SNX31: variants seen among roughly 807,000 people sequenced by gnomAD.
SNX31 encodes sorting nexin 31.
Under a neutral mutation model 65.4 loss-of-function variants are expected in SNX31, and 58 were observed. That is an observed-to-expected ratio of 0.89 (90% CI 0.72 to 1.10). The LOEUF (loss-of-function observed/expected upper bound fraction) is 1.10, where lower values mean the gene tolerates loss of function less well. Ranked by LOEUF, SNX31 falls within the 50% of genes least tolerant of loss-of-function variation. The pLI is 0.00. For synonymous variants in SNX31, 181 were observed against 190.1 expected, an observed-to-expected ratio of 0.95 and a Z score of 0.39; for missense variants, 523 against 529.7, an observed-to-expected ratio of 0.99 and a Z score of 0.12.
rs907125006 is a variant in SNX31 at position 100,604,543 on chromosome 8, C to A, written c.681+3951G>T. 6.6e-6 allele frequency among the ~76,000 whole-genome samples: 1 copy of A among 152,214 alleles called. No homozygotes were observed. Among genetic ancestry groups the A allele is most frequent in the African/African-American group, 2.4e-5 (1 of 41,462 alleles). On this transcript the variant is annotated intron_variant, in intron 8 of 13. Transcript: ENST00000311812. The surrounding 1 kb of genome is among the most constrained non-coding windows in gnomAD (Gnocchi z 4.3). Reference sequence around the variant, plus strand: ...CCCCCTCCACTCACCAAGCCATGGGCCCCGATGCAGGACTAGCCCCACCTG... The same window carrying A: ...CCCCCTCCACTCACCAAGCCATGGGACCCGATGCAGGACTAGCCCCACCTG...
At position 100,630,342 on chromosome 8, in the gene SNX31, TAA is replaced by T. The variant is rs762663768; in HGVS notation, c.304_305del (p.Leu102LysfsTer9). On this transcript the variant is annotated frameshift_variant, in exon 4 of 14. Transcript: ENST00000311812. LOFTEE classifies it high-confidence loss of function. This position sits in a 1 kb window ranked among gnomAD's most constrained non-coding sequence, Gnocchi z 5.3. ...GCAAGCTTACCAGCTGCGCCAGTTT[TAA>T]AAACTCAACGAAGACATCACTTCTC... ...VLRSDVFVEF[L>X]KLAQLNTFDI... 42 of 1,613,440 alleles carry T rather than the reference TAA, an allele frequency of 2.6e-5. No homozygotes were observed. The East Asian group carries it at 8.9e-4, about 34-fold the overall frequency.
chr8:100,574,414 A>T (rs190875230), intron 13 of SNX31, among the ~76,000 whole-genome samples: 238 of 152,264 alleles, frequency 1.6e-3, no homozygotes, highest in Non-Finnish European at 1.7e-3. Flanking sequence ...CGGGCAGATC[A>T]CGAGTTCAGG....
At chr8:100,657,612 G>A (rs943609477) in intron 1 of SNX31, 2 of 453,710 alleles carry the variant, frequency 4.4e-6, no homozygotes, top group African/African-American at 4.0e-5. Context: ...GTGCTTGGAT[G>A]TGTGGGAAGG....
intron 9 of SNX31, among the ~76,000 whole-genome samples, chr8:100,599,395 C>T (rs1815402361): frequency 6.6e-6 from 1 of 151,162 alleles, no homozygotes; most frequent in Non-Finnish European, 1.5e-5. Context: ...TTCTATCCAT[C>T]AAAATAGAAG....
chr8:100,645,158 A>G (rs556055546), intron 2 of SNX31, among the ~76,000 whole-genome samples: 11 of 152,374 alleles, frequency 7.2e-5, no homozygotes, highest in Middle Eastern at 6.8e-3. Context: ...GGCATATAAC[A>G]GAAACTTAGT....
intron 5 of SNX31, among the ~76,000 whole-genome samples, chr8:100,616,324 A>G (rs1032303497): frequency 6.6e-6 from 1 of 152,136 alleles, no homozygotes; most frequent in African/African-American, 2.4e-5. Flanking sequence ...GAAGTCAATG[A>G]TGATGTCTTT....
chr8:100,574,645 A>G (rs925814492), intron 13 of SNX31, among the ~76,000 whole-genome samples: 1 of 151,312 alleles, frequency 6.6e-6, no homozygotes, highest in Non-Finnish European at 1.5e-5. Flanking sequence ...AAAAAAAAAA[A>G]AAGAAGAGGC....
upstream of SNX31, among the ~76,000 whole-genome samples, chr8:100,652,987 G>A (rs553609674): frequency 2.6e-5 from 4 of 152,218 alleles, no homozygotes; most frequent in Non-Finnish European, 5.9e-5. Context: ...GAGATTCCTG[G>A]TTGGTGGACA....
chr8:100,645,520 T>G (rs570061070), intron 2 of SNX31, among the ~76,000 whole-genome samples: 1 of 151,260 alleles, frequency 6.6e-6, no homozygotes, highest in Non-Finnish European at 1.5e-5. Flanking sequence ...TAAAAAAAAT[T>G]GTTTGTTGTT....
At position 100,630,135 on chromosome 8, in the gene SNX31, A is replaced by G. The variant is rs1401775272; in HGVS notation, c.321+192T>C. Among the ~76,000 whole-genome samples the G allele has an allele frequency of 6.6e-6, 1 of 152,222 alleles. No homozygotes were observed. Among genetic ancestry groups the G allele is most frequent in the African/African-American group, 2.4e-5 (1 of 41,458 alleles). On this transcript the variant is annotated intron_variant, in intron 4 of 13. Transcript: ENST00000311812. This position sits in a 1 kb window ranked among gnomAD's most constrained non-coding sequence, Gnocchi z 5.3. ...GGTCAAGTGACACACTTCATTTTCC[A>G]TCTAAAATCTAAACCTCCAAAAGAA...
chr8:100,613,670 G>A lies in SNX31; in HGVS notation c.433-585C>T, dbSNP rs1432155702. 2.6e-5 allele frequency among the ~76,000 whole-genome samples: 4 copies of A among 152,226 alleles called. No individual in the cohort carries two copies. The highest frequency in any genetic ancestry group is 9.6e-5 in the African/African-American group (4 of 41,458). On this transcript the variant is annotated intron_variant, in intron 5 of 13. Coordinates refer to ENST00000311812, the MANE Select transcript of SNX31 (RefSeq NM_152628.4). This position sits in a 1 kb window ranked among gnomAD's most constrained non-coding sequence, Gnocchi z 5.2. ...AAACCTCAGATGCCAGGCACAGGTT[G>A]CCTTCCTTCACATTCCTCTTTGACT...
At chr8:100,628,221 C>A (rs921610542) in intron 4 of SNX31, among the ~76,000 whole-genome samples, 1 of 152,050 alleles carries the variant, frequency 6.6e-6, no homozygotes, top group African/African-American at 2.4e-5. Context: ...ATCATTTGAC[C>A]CAGCCATCCC....
chr8:100,577,244 C>T (rs1303979156), intron 12 of SNX31, among the ~76,000 whole-genome samples, 169 bp from the exon 13 acceptor site: 1 of 152,226 alleles, frequency 6.6e-6, no homozygotes, highest in African/African-American at 2.4e-5. Context: ...TTTCACTTGT[C>T]AGGGTCTAAA....
At chr8:100,620,552 A>T (rs1397701062) in intron 4 of SNX31, among the ~76,000 whole-genome samples, 1 of 152,218 alleles carries the variant, frequency 6.6e-6, no homozygotes, top group Non-Finnish European at 1.5e-5. Context: ...CATTCAAAGG[A>T]TTAGTCCAAA....
At chr8:100,659,079 C>T (rs943155432) in intron 1 of SNX31, among the ~76,000 whole-genome samples, 1 of 152,074 alleles carries the variant, frequency 6.6e-6, no homozygotes, top group African/African-American at 2.4e-5. Context: ...GGCACAGGGG[C>T]TCATGCCTGT....
At chr8:100,617,452 G>T (rs976057713) in intron 5 of SNX31, among the ~76,000 whole-genome samples, 168 bp downstream of exon 5, 1 of 152,184 alleles carries the variant, frequency 6.6e-6, no homozygotes, top group South Asian at 2.1e-4. Context: ...TGTATCTTAG[G>T]TTCCTTGGTT....
chr8:100,598,303 C>A (rs372875777), intron 9 of SNX31, among the ~76,000 whole-genome samples: 2 of 152,104 alleles, frequency 1.3e-5, no homozygotes, highest in Non-Finnish European at 2.9e-5. Context: ...ATGGTACTTG[C>A]GCAGTGATTG....
chr8:100,632,125 T>G (rs1039543679), intron 3 of SNX31, among the ~76,000 whole-genome samples: 2 of 152,180 alleles, frequency 1.3e-5, no homozygotes, highest in African/African-American at 4.8e-5. Context: ...TTTGAGAACC[T>G]GTGCTCTGAG....
At chr8:100,597,348 T>C (rs969360841) in intron 9 of SNX31, among the ~76,000 whole-genome samples, 1 of 152,178 alleles carries the variant, frequency 6.6e-6, no homozygotes, top group African/African-American at 2.4e-5. Context: ...TTCAAGTGAT[T>C]ATCCTGCCTC....
Sources: gnomAD v4.1 joint callset for allele counts (sites outside exome capture counted in the v4.1 genomes callset) on GRCh38, gnomAD v4.1.1 for gene constraint, Gnocchi (gnomAD v3.1) non-coding constraint, MANE v1.5 for transcripts, NCBI Gene and HGNC (gene_info 2026-07-23, HGNC 2026-07-21) for gene names.